SLC9A6: variants seen among roughly 807,000 people sequenced by gnomAD.
SLC9A6 encodes the protein solute carrier family 9 member A6, also known as sodium/hydrogen exchanger 6.
A neutral mutation model predicts 45.3 loss-of-function variants in SLC9A6; 6 were observed. The ratio of observed to expected loss-of-function variants is 0.13; its 90% CI spans 0.07 to 0.26. The LOEUF (loss-of-function observed/expected upper bound fraction) is 0.26, where lower values mean the gene tolerates loss of function less well. Among genes scored for constraint, SLC9A6 ranks in the 10% least tolerant of loss-of-function variants. SLC9A6 has a pLI of 1.00. For missense variants in SLC9A6, 278 were observed against 503.7 expected (o/e 0.55, Z 4.29); for synonymous variants, 191 against 187.7 (o/e 1.02, Z -0.14).
intron 12 of SLC9A6, among the ~76,000 whole-genome samples, chrX:136,023,094 A>G (rs1212384043): frequency 1.0e-5 from 1 of 96,912 alleles, no homozygotes; most frequent in Non-Finnish European, 2.0e-5. Flanking sequence ...TATAGGCATG[A>G]GGCACCACGC....
chrX:136,046,743 C>G lies in SLC9A6; in HGVS notation c.*2019C>G, dbSNP rs1431692507. On this transcript the variant is annotated 3_prime_UTR_variant, in exon 18 of 18. Coordinates refer to ENST00000630721, the MANE Select transcript of SLC9A6 (RefSeq NM_001379110.1). The stretch of plus-strand genomic sequence containing the variant: ...TGTGCTTACATCAGCATCTGGAAGA[C>G]TTTCCTCTCCTCTAATCTGTGTACA... 8.9e-6 allele frequency: 1 copy of G among 112,273 alleles called. No homozygotes were observed. Among genetic ancestry groups the G allele is most frequent in the Non-Finnish European group, 1.9e-5 (1 of 53,238 alleles). 9.3% of individuals were successfully genotyped at this position (112,273 alleles called of 1,213,427 possible).
intron 15 of SLC9A6, 113 bp downstream of exon 15, chrX:136,030,275 T>C: frequency 2.5e-6 from 2 of 791,571 alleles, no homozygotes; most frequent in South Asian, 4.3e-5. Context: ...CCTCTTTGCC[T>C]CAGCTTTGGA....
chrX:136,016,545 T>C, intron 10 of SLC9A6, 100 bp from the exon 11 acceptor site: 1 of 521,996 alleles, frequency 1.9e-6, no homozygotes, highest in Non-Finnish European at 3.4e-6. Context: ...ATGCATGAAG[T>C]TTATATATAT....
At chrX:135,974,554 C>G (rs959352704), upstream of SLC9A6, 3 of 327,254 alleles carry the variant, frequency 9.2e-6, no homozygotes, top group Non-Finnish European at 1.8e-5. Flanking sequence ...GCGGTAGGTG[C>G]TGGATATAGA....
intron 16 of SLC9A6, among the ~76,000 whole-genome samples, chrX:136,037,417 G>A (rs1472169122): frequency 3.6e-5 from 4 of 112,116 alleles, no homozygotes; most frequent in Non-Finnish European, 7.5e-5. Context: ...TCTCATTAAC[G>A]ATTTGTACTT....
At chrX:136,031,470 C>T (rs1017927569) in intron 15 of SLC9A6, among the ~76,000 whole-genome samples, 76 of 112,018 alleles carry the variant, frequency 6.8e-4, no homozygotes, top group African/African-American at 2.1e-3. Context: ...GAGGCCAAAG[C>T]GGGTGGATCA....
rs191594778 is a variant in SLC9A6, at chrX:136,012,452, G to A, written c.886-497G>A. 3.3e-3 allele frequency among the ~76,000 whole-genome samples: 374 copies of A among 113,081 alleles called. 3 individuals are homozygous for A. The highest frequency in any genetic ancestry group is 5.5e-3 in the Non-Finnish European group (294 of 53,405). ...TTCCACTGTCAGCTAACAAATACTT[G>A]TTAAACTAGTATAAAGCAGTGAAGT... is the stretch of plus-strand genomic sequence containing the variant. On this transcript the variant is annotated intron_variant, in intron 8 of 17. Coordinates refer to ENST00000630721, the MANE Select transcript of SLC9A6 (RefSeq NM_001379110.1).
chrX:135,987,974 C>T (rs2089365213), intron 2 of SLC9A6, among the ~76,000 whole-genome samples: 1 of 111,518 alleles, frequency 9.0e-6, no homozygotes, highest in Admixed American at 9.6e-5. Context: ...TGCATTTTCT[C>T]AGATTAGGCC....
intron 7 of SLC9A6, among the ~76,000 whole-genome samples, chrX:136,003,884 T>C (rs1481380750): frequency 9.0e-6 from 1 of 111,231 alleles, no homozygotes; most frequent in Non-Finnish European, 1.9e-5. Flanking sequence ...TTCAAAACAT[T>C]TTTAATCTCT....
At chrX:135,978,982 C>G (rs1556613641) in intron 1 of SLC9A6, among the ~76,000 whole-genome samples, 1 of 110,152 alleles carries the variant, frequency 9.1e-6, no homozygotes, top group Non-Finnish European at 1.9e-5. Context: ...CTTGCCCCTC[C>G]CTACTTCTTG....
At chrX:136,039,308 A>AT (rs2148209999) in intron 16 of SLC9A6, among the ~76,000 whole-genome samples, 1 of 111,207 alleles carries the variant, frequency 9.0e-6, no homozygotes, top group South Asian at 3.8e-4. Flanking sequence ...AAAAAAAAAA[A>AT]AAATAAATGA....
intron 1 of SLC9A6, chrX:135,974,932 C>T (rs1349576635): frequency 7.9e-6 from 2 of 252,905 alleles, no homozygotes; most frequent in Non-Finnish European, 1.5e-5. Flanking sequence ...TATCTCTGAT[C>T]CGGGTAAAAT....
intron 1 of SLC9A6, among the ~76,000 whole-genome samples, chrX:135,977,786 C>A (rs1452988409): frequency 9.0e-6 from 1 of 111,074 alleles, no homozygotes; most frequent in African/African-American, 3.3e-5. Context: ...TGTCTTGAAG[C>A]ATTAAGTGGT....
chrX:136,039,647 A>C (rs949226718), intron 16 of SLC9A6, among the ~76,000 whole-genome samples: 1 of 112,231 alleles, frequency 8.9e-6, no homozygotes, highest in Non-Finnish European at 1.9e-5. Context: ...CTACTGGAAA[A>C]TTTAATTTCC....
At chrX:136,026,008 C>T (rs1208726379) in intron 13 of SLC9A6, among the ~76,000 whole-genome samples, 1 of 111,773 alleles carries the variant, frequency 8.9e-6, no homozygotes, top group Non-Finnish European at 1.9e-5. Context: ...AAAAACGTAC[C>T]TACTCACACA....
chrX:136,002,669 C>T (rs782659409), intron 7 of SLC9A6, among the ~76,000 whole-genome samples: 2 of 108,873 alleles, frequency 1.8e-5, no homozygotes, highest in Non-Finnish European at 3.8e-5. Flanking sequence ...TCAAGTGATT[C>T]TCCTGCCTCA....
rs1450462352 is a variant in SLC9A6 at position 135,997,568 on chromosome X, C to T, written c.370-540C>T. On this transcript the variant is annotated intron_variant, in intron 3 of 17. Coordinates refer to ENST00000630721, the MANE Select transcript of SLC9A6 (RefSeq NM_001379110.1). ...GATTACAGGCACACGCCACCACACC[C>T]GGCTAATTTTTGTATTTTTAGTAGA... Among the ~76,000 whole-genome samples the T allele has an allele frequency of 7.6e-5, 8 of 105,710 alleles. No homozygotes were observed. The South Asian group carries it at 1.3e-3, about 17-fold the overall frequency. 91.8% of individuals were successfully genotyped at this position (105,710 alleles called of 115,157 possible). A position where few individuals can be genotyped will look rare whatever the true frequency, so the allele number is the denominator to read the frequency against.
chrX:135,983,294 G>C (rs2089295151), upstream of SLC9A6, among the ~76,000 whole-genome samples: 1 of 111,252 alleles, frequency 9.0e-6, no homozygotes, highest in Admixed American at 9.6e-5. Context: ...CAGAGCGTGT[G>C]ATATCCTGGG....
At chrX:136,011,461 C>G (rs2070920030) in intron 8 of SLC9A6, among the ~76,000 whole-genome samples, 1 of 110,110 alleles carries the variant, frequency 9.1e-6, no homozygotes, top group South Asian at 3.9e-4. Flanking sequence ...AGGCTGATCT[C>G]GAACTCCTGA....
Sources: allele counts gnomAD v4.1 joint callset (sites outside exome capture counted in the v4.1 genomes callset), GRCh38; gene constraint gnomAD v4.1.1; transcripts MANE v1.5; gene names NCBI Gene and HGNC (gene_info 2026-07-23, HGNC 2026-07-21).